EPYC: variants seen among roughly 807,000 people sequenced by gnomAD.
EPYC encodes epiphycan, also known as dermatan sulfate proteoglycan 3.
EPYC carries 28 observed loss-of-function variants against 30.1 expected under a neutral mutation model. That is an observed-to-expected ratio of 0.93 (90% CI 0.69 to 1.28). The LOEUF is 1.28. EPYC is among the 50% of genes most tolerant of loss of function. The pLI is 0.00. For synonymous variants in EPYC, 144 were observed against 141.4 expected (o/e 1.02, Z -0.13); for missense variants, 382 against 383.5 (o/e 1.00, Z 0.03).
At chr12:90,996,148 T>C (rs1261972642) in intron 2 of EPYC, among the ~76,000 whole-genome samples, 1 of 151,880 alleles carries the variant, frequency 6.6e-6, no homozygotes, top group Non-Finnish European at 1.5e-5. Flanking sequence ...GTACTTTGTG[T>C]TCACAAAATA....
In EPYC at chr12:90,999,242, G is replaced by T. The variant is rs78134766; in HGVS notation, c.165+3159C>A. 5.3e-5 allele frequency among the ~76,000 whole-genome samples: 8 copies of T among 152,048 alleles called. No homozygotes were observed. The East Asian group carries it at 1.6e-3, about 30-fold the overall frequency. ...GGGTATACTAGGAATGGGACTTTTA[G>T]GGAACATCTTAGAATTCTGCCTGCA... On this transcript the variant is annotated intron_variant, in intron 2 of 6. Transcript: ENST00000261172.
intron 2 of EPYC, among the ~76,000 whole-genome samples, chr12:90,995,585 C>T (rs1177302168): frequency 1.3e-5 from 2 of 151,678 alleles, no homozygotes; most frequent in East Asian, 3.9e-4. Flanking sequence ...TGCAGTTATC[C>T]TTATCAAATG....
At chr12:90,999,881 C>T (rs1382401943) in intron 2 of EPYC, among the ~76,000 whole-genome samples, 2 of 151,912 alleles carry the variant, frequency 1.3e-5, no homozygotes, top group Non-Finnish European at 2.9e-5. Flanking sequence ...TTTTGTTCCT[C>T]ATGTCATCTT....
At chr12:90,972,740 T>C in intron 4 of EPYC, 82 bp downstream of exon 4, 1 of 1,220,552 alleles carries the variant, frequency 8.2e-7, no homozygotes, top group South Asian at 2.0e-5. Context: ...TCAAGTTTCA[T>C]TCTCAGTGCT....
At chr12:90,973,520 G>A (rs1877105832) in intron 3 of EPYC, among the ~76,000 whole-genome samples, 1 of 152,158 alleles carries the variant, frequency 6.6e-6, no homozygotes, top group Non-Finnish European at 1.5e-5. Context: ...ATGAAATTAT[G>A]AATGTGATAA....
Position 90,972,699 on chromosome 12 carries a change from A to T in EPYC, c.499+123T>A, listed in dbSNP as rs1877081389. On this transcript the variant is annotated intron_variant, in intron 4 of 6. Transcript: ENST00000261172. ...ACTCTCAAATTTTTAAATAACAAAAAACTATTGATTCATGAACCAGGCTTT... is the reference window on the plus strand; with the variant it reads ...ACTCTCAAATTTTTAAATAACAAAATACTATTGATTCATGAACCAGGCTTT... 3 of 877,572 alleles carry T rather than the reference A, an allele frequency of 3.4e-6. No homozygotes were observed. In the East Asian group the frequency reaches 8.1e-5, roughly 24 times the overall value. The allele number at this position is 877,572 out of a possible 1,614,324, so 54.4% of individuals were successfully genotyped here. A position where few individuals can be genotyped will look rare whatever the true frequency, so the allele number is the denominator to read the frequency against.
intron 2 of EPYC, among the ~76,000 whole-genome samples, chr12:90,997,554 A>C (rs1046307030): frequency 6.6e-6 from 1 of 152,120 alleles, no homozygotes; most frequent in African/African-American, 2.4e-5. Context: ...GACTTCAAAT[A>C]ACCACCTTCA....
At chr12:90,973,566 G>T (rs1877107236) in intron 3 of EPYC, among the ~76,000 whole-genome samples, 1 of 152,164 alleles carries the variant, frequency 6.6e-6, no homozygotes, top group Admixed American at 6.5e-5. Context: ...AACATAGGGG[G>T]ATTTGACCTA....
intron 6 of EPYC, among the ~76,000 whole-genome samples, chr12:90,967,270 T>C (rs971711337): frequency 1.3e-5 from 2 of 152,068 alleles, no homozygotes; most frequent in Non-Finnish European, 2.9e-5. Context: ...CTGCTTTAGC[T>C]CCATCCCATA....
At chr12:90,988,612 T>TA (rs1471542983) in intron 2 of EPYC, among the ~76,000 whole-genome samples, 2 of 152,108 alleles carry the variant, frequency 1.3e-5, no homozygotes, top group African/African-American at 2.4e-5. Flanking sequence ...ACAAAAATGT[T>TA]AAAAATTGCT....
At chr12:91,001,095 T>C (rs1482284591) in intron 2 of EPYC, among the ~76,000 whole-genome samples, 2 of 151,048 alleles carry the variant, frequency 1.3e-5, no homozygotes, top group Admixed American at 6.6e-5. Flanking sequence ...AGAGGAAAAA[T>C]GGGAGGGAAA....
At chr12:90,993,247 A>T (rs1441441781) in intron 2 of EPYC, among the ~76,000 whole-genome samples, 1 of 152,108 alleles carries the variant, frequency 6.6e-6, no homozygotes, top group East Asian at 1.9e-4. Context: ...ACAAAGATTT[A>T]TGGGGGTAGA....
chr12:90,980,124 G>T (rs181145569), intron 2 of EPYC, among the ~76,000 whole-genome samples: 9 of 152,236 alleles, frequency 5.9e-5, no homozygotes, highest in Non-Finnish European at 1.2e-4. Context: ...GGAGGCTCCA[G>T]GAAGAGCGGA....
intron 3 of EPYC, among the ~76,000 whole-genome samples, chr12:90,974,568 G>T (rs1312511293): frequency 6.6e-6 from 1 of 152,054 alleles, no homozygotes; most frequent in African/African-American, 2.4e-5. Context: ...ATATAAAAAG[G>T]ATCATGAGAG....
At chr12:90,985,152 C>G (rs1266763970) in intron 2 of EPYC, among the ~76,000 whole-genome samples, 1 of 152,116 alleles carries the variant, frequency 6.6e-6, no homozygotes, top group Non-Finnish European at 1.5e-5. Context: ...GGGACCTCGA[C>G]CCAGATCATG....
chr12:90,965,952 A>G lies in EPYC; in HGVS notation c.799-1626T>C, dbSNP rs1464145513. Among the ~76,000 whole-genome samples the G allele has an allele frequency of 2.6e-5, 4 of 151,996 alleles. No individual in the cohort carries two copies. The East Asian group carries it at 7.7e-4, about 29-fold the overall frequency. ...CATTGCTAGTGTATAGATATCCTGC[A>G]TACAATTGATATTTGTATATTGATT... On this transcript the variant is annotated intron_variant, in intron 6 of 6. Coordinates refer to ENST00000261172, the MANE Select transcript of EPYC (RefSeq NM_004950.5).
chr12:91,002,589 A>AATATT lies in EPYC; in HGVS notation c.-13-16_-13-12dup, dbSNP rs1353813022. 6.4e-7 allele frequency: 1 copy of AATATT among 1,565,100 alleles called. No individual in the cohort carries two copies. The highest frequency in any genetic ancestry group is 2.3e-5 in the East Asian group (1 of 43,498). On this transcript the variant is annotated splice_polypyrimidine_tract_variant and intron_variant, in intron 1 of 6. Transcript: ENST00000261172. ...ATTTTTCAAGCTTTCCTAATTATAA[A>AATATT]ATATTAAAATGCATAAATATTTAAT... is the stretch of plus-strand genomic sequence containing the variant.
intron 2 of EPYC, among the ~76,000 whole-genome samples, chr12:90,986,990 GAATCAGTATGGGTA>G (rs1446846735): frequency 6.6e-6 from 1 of 151,978 alleles, no homozygotes; most frequent in Non-Finnish European, 1.5e-5. Context: ...AAATACAGTT[GAATCAGTATGGGTA>G]AATCATGGCA....
intron 3 of EPYC, 152 bp downstream of exon 3, chr12:90,977,936 A>G (rs1877225825): frequency 4.1e-6 from 2 of 486,380 alleles, no homozygotes; most frequent in South Asian, 1.6e-4. Flanking sequence ...ATATTTGAAT[A>G]TAAAATCTAT....
Sources: gnomAD v4.1 joint callset for allele counts (sites outside exome capture counted in the v4.1 genomes callset) on GRCh38, gnomAD v4.1.1 for gene constraint, MANE v1.5 for transcripts, NCBI Gene and HGNC (gene_info 2026-07-23, HGNC 2026-07-21) for gene names.